The following INSYN2B variants were observed in gnomAD, a reference collection of about 807,000 sequenced individuals.
INSYN2B encodes inhibitory synaptic factor family member 2B, also known as protein INSYN2B.
INSYN2B carries 16 observed loss-of-function variants against 41.2 expected under a neutral mutation model. The observed-to-expected ratio is 0.39, with a 90% CI of 0.26 to 0.59. The LOEUF (loss-of-function observed/expected upper bound fraction) is 0.59, where lower values mean the gene tolerates loss of function less well. INSYN2B is among the 20% of genes least tolerant of loss of function. The probability of loss-of-function intolerance (pLI) is 0.57; values close to 1 mark genes in which losing one functional copy is unlikely to be tolerated. For missense variants in INSYN2B, 608 were observed against 646.4 expected (o/e 0.94, Z 0.64); for synonymous variants, 245 against 244.4 (o/e 1.00, Z -0.02).
intron 1 of INSYN2B, among the ~76,000 whole-genome samples, chr5:169,890,151 C>A (rs985199782): frequency 2.0e-5 from 3 of 152,226 alleles, no homozygotes; most frequent in Admixed American, 1.3e-4. Flanking sequence ...AGCCTCGGGG[C>A]TCTGGTGGAG....
At chr5:169,915,367 C>T (rs1456588997) in intron 1 of INSYN2B, among the ~76,000 whole-genome samples, 1 of 152,016 alleles carries the variant, frequency 6.6e-6, no homozygotes, top group African/African-American at 2.4e-5. Flanking sequence ...TAATTGCAGG[C>T]TTATTGTGTT....
At chr5:169,874,456 G>A (rs1772190447) in intron 3 of INSYN2B, among the ~76,000 whole-genome samples, 1 of 145,940 alleles carries the variant, frequency 6.9e-6, no homozygotes, top group Non-Finnish European at 1.5e-5. Flanking sequence ...TGTGGAGTTT[G>A]AGAAAATGGA....
At chr5:169,919,804 T>G (rs1775073753) in intron 1 of INSYN2B, among the ~76,000 whole-genome samples, 1 of 152,190 alleles carries the variant, frequency 6.6e-6, no homozygotes, top group African/African-American at 2.4e-5. Flanking sequence ...AGTATTTGCA[T>G]ATTAATAGAG....
At chr5:169,891,983 G>A (rs1465133446) in intron 1 of INSYN2B, among the ~76,000 whole-genome samples, 3 of 136,346 alleles carry the variant, frequency 2.2e-5, no homozygotes, top group Non-Finnish European at 3.1e-5. Flanking sequence ...GCAACAGTGC[G>A]AGATTCCGTC....
At chr5:169,975,452 G>C (rs1777681038) in intron 1 of INSYN2B, among the ~76,000 whole-genome samples, 1 of 152,160 alleles carries the variant, frequency 6.6e-6, no homozygotes, top group Non-Finnish European at 1.5e-5. Flanking sequence ...TCAGACTGCT[G>C]CCTGTCTCTC....
rs1187483645 is a variant in INSYN2B, at chr5:169,862,410, A to T, written c.*1863T>A. ...AAGCTCTACTACAAGATAAAATTAC[A>T]TAAGAGGTCCCAAATGATTTCACTT... On this transcript the variant is annotated 3_prime_UTR_variant, in exon 4 of 4. Coordinates refer to ENST00000377365, the MANE Select transcript of INSYN2B (RefSeq NM_001129891.3). Among the ~76,000 whole-genome samples, 1 of 152,250 alleles carries T rather than the reference A, an allele frequency of 6.6e-6. No homozygotes were observed. The highest frequency in any genetic ancestry group is 1.9e-4 in the East Asian group (1 of 5,204).
intron 1 of INSYN2B, among the ~76,000 whole-genome samples, chr5:169,964,513 A>G (rs1350085929): frequency 2.0e-5 from 3 of 152,242 alleles, no homozygotes; most frequent in African/African-American, 7.2e-5. Context: ...CCCTGTGGCC[A>G]GCTCTTCTGC....
At chr5:169,944,105 A>G (rs547560876) in intron 1 of INSYN2B, among the ~76,000 whole-genome samples, 2 of 152,322 alleles carry the variant, frequency 1.3e-5, no homozygotes, top group South Asian at 2.1e-4. Flanking sequence ...GTCATTTAAC[A>G]CTAACCATGG....
At chr5:169,887,190 TC>T (rs1773021128) in intron 1 of INSYN2B, among the ~76,000 whole-genome samples, 1 of 152,186 alleles carries the variant, frequency 6.6e-6, no homozygotes, top group Non-Finnish European at 1.5e-5. Flanking sequence ...TCAAACTCCC[TC>T]CACATTTTCA....
intron 1 of INSYN2B, among the ~76,000 whole-genome samples, chr5:169,948,099 G>A (rs1561844700): frequency 6.6e-6 from 1 of 151,700 alleles, no homozygotes; most frequent in African/African-American, 2.4e-5. Flanking sequence ...CCACCATTCG[G>A]TACACACCCT....
Position 169,903,961 on chromosome 5 carries a change from G to A in INSYN2B, c.-918-19145C>T, listed in dbSNP as rs558876684. 1.1e-4 allele frequency among the ~76,000 whole-genome samples: 16 copies of A among 152,052 alleles called. 1 individual carries two copies. The highest frequency in any genetic ancestry group is 3.1e-4 in the African/African-American group (13 of 41,436). ...CAAAAAATACAAAAATTAGCTGGGC[G>A]TGGTCCTGTAATCCCAGTTACTCGG... is the stretch of plus-strand genomic sequence containing the variant. On this transcript the variant is annotated intron_variant, in intron 1 of 3. Transcript: ENST00000377365.
intron 1 of INSYN2B, among the ~76,000 whole-genome samples, chr5:169,946,284 G>A (rs1357958708): frequency 6.6e-6 from 1 of 152,180 alleles, no homozygotes; most frequent in Non-Finnish European, 1.5e-5. Context: ...ATCCAGCCCA[G>A]CCAGGGGTAT....
At chr5:169,953,592 G>A (rs1368326841) in intron 1 of INSYN2B, among the ~76,000 whole-genome samples, 1 of 152,112 alleles carries the variant, frequency 6.6e-6, no homozygotes, top group Non-Finnish European at 1.5e-5. Flanking sequence ...AGCATTAGAC[G>A]AGGCTGAGAG....
At chr5:169,865,472 C>T (rs368535421) in intron 3 of INSYN2B, among the ~76,000 whole-genome samples, 14 of 152,240 alleles carry the variant, frequency 9.2e-5, no homozygotes, top group East Asian at 3.9e-4. Flanking sequence ...CCCAGAGAGC[C>T]GGGGCAGAAA....
At chr5:169,964,916 C>T (rs1284540456) in intron 1 of INSYN2B, among the ~76,000 whole-genome samples, 1 of 152,232 alleles carries the variant, frequency 6.6e-6, no homozygotes, top group Non-Finnish European at 1.5e-5. Flanking sequence ...GAGTCTCCGT[C>T]GCTCATGACT....
chr5:169,916,457 G>A (rs1016701603), intron 1 of INSYN2B, among the ~76,000 whole-genome samples: 2 of 152,238 alleles, frequency 1.3e-5, no homozygotes, highest in Admixed American at 6.5e-5. Context: ...TAGAGAGTGA[G>A]AGCAGCATAG....
At chr5:169,945,497 A>G (rs1776409978) in intron 1 of INSYN2B, among the ~76,000 whole-genome samples, 1 of 152,268 alleles carries the variant, frequency 6.6e-6, no homozygotes, top group Non-Finnish European at 1.5e-5. Flanking sequence ...AACACTTTGT[A>G]TGTGTTGTCT....
intron 1 of INSYN2B, among the ~76,000 whole-genome samples, chr5:169,957,136 A>T (rs1455824351): frequency 6.6e-6 from 1 of 152,096 alleles, no homozygotes; most frequent in African/African-American, 2.4e-5. Flanking sequence ...GAGGGCAGGG[A>T]CTATGTGTGA....
At chr5:169,867,570 ATCATCTATCTG>A (rs1451568374) in intron 3 of INSYN2B, among the ~76,000 whole-genome samples, 2 of 151,836 alleles carry the variant, frequency 1.3e-5, no homozygotes, top group African/African-American at 2.4e-5. Context: ...TCTATTATCT[ATCATCTATCTG>A]TCATCTATCG....
Sources: allele counts gnomAD v4.1 joint callset (sites outside exome capture counted in the v4.1 genomes callset), GRCh38; gene constraint gnomAD v4.1.1; transcripts MANE v1.5; gene names NCBI Gene and HGNC (gene_info 2026-07-23, HGNC 2026-07-21).